Variants in ADAMTS12 observed in about 807,000 individuals in gnomAD.
ADAMTS12 encodes the protein ADAM metallopeptidase with thrombospondin type 1 motif 12.
ADAMTS12 carries 118 observed loss-of-function variants against 167.8 expected under a neutral mutation model. The ratio of observed to expected loss-of-function variants is 0.70; its 90% CI spans 0.61 to 0.82. The LOEUF (loss-of-function observed/expected upper bound fraction) is 0.82, where lower values mean the gene tolerates loss of function less well. Among genes scored for constraint, ADAMTS12 ranks in the 40% least tolerant of loss-of-function variants. ADAMTS12 has a pLI of 0.00. For missense variants in ADAMTS12, 1,916 were observed against 1,998.8 expected, an observed-to-expected ratio of 0.96 and a Z score of 0.79; for synonymous variants, 704 against 716.9, an observed-to-expected ratio of 0.98 and a Z score of 0.29.
intron 3 of ADAMTS12, among the ~76,000 whole-genome samples, chr5:33,721,820 C>A (rs550653737): frequency 6.6e-6 from 1 of 152,298 alleles, no homozygotes; most frequent in South Asian, 2.1e-4. Context: ...GAGAGTGACA[C>A]CCGGCAGCTC....
intron 19 of ADAMTS12, among the ~76,000 whole-genome samples, chr5:33,565,229 C>T (rs760485210): frequency 9.9e-5 from 15 of 152,208 alleles, no homozygotes; most frequent in South Asian, 8.3e-4. Flanking sequence ...AAATTTGGCT[C>T]ACTGCAACCT....
At chr5:33,889,086 AT>A (rs1354246839) in intron 1 of ADAMTS12, among the ~76,000 whole-genome samples, 2 of 152,112 alleles carry the variant, frequency 1.3e-5, no homozygotes, top group Non-Finnish European at 2.9e-5. Flanking sequence ...GTGAAGGGGC[AT>A]TTATTAGGTG....
chr5:33,788,288 T>TC lies in ADAMTS12; in HGVS notation c.490-36741_490-36740insG, dbSNP rs372443316. ...ATTAACAGTCTTTTTTCTCTCTCTC[T>TC]TTTTTTTTGCCTGTCCAATAAATAC... is the stretch of plus-strand genomic sequence containing the variant. On this transcript the variant is annotated intron_variant, in intron 2 of 23. Coordinates refer to ENST00000504830, the MANE Select transcript of ADAMTS12 (RefSeq NM_030955.4). Among the ~76,000 whole-genome samples, 1,200 of 151,060 alleles carry TC rather than the reference T, an allele frequency of 7.9e-3. 18 individuals are homozygous for TC. The highest frequency in any genetic ancestry group is 0.028 in the African/African-American group (1,149 of 41,150).
chr5:33,858,892 C>T (rs542659745), intron 2 of ADAMTS12, among the ~76,000 whole-genome samples: 16 of 151,942 alleles, frequency 1.1e-4, no homozygotes, highest in African/African-American at 3.9e-4. Flanking sequence ...TCACCTTACC[C>T]GGGAAGCACA....
intron 2 of ADAMTS12, among the ~76,000 whole-genome samples, chr5:33,752,472 T>C (rs993057601): frequency 6.6e-6 from 1 of 152,160 alleles, no homozygotes; most frequent in Non-Finnish European, 1.5e-5. Flanking sequence ...AGTGAGCAAG[T>C]GACTGGCTGA....
intron 2 of ADAMTS12, among the ~76,000 whole-genome samples, chr5:33,760,361 A>AC (rs1414858416): frequency 6.6e-6 from 1 of 151,996 alleles, no homozygotes; most frequent in Non-Finnish European, 1.5e-5. Context: ...GACTAGGACG[A>AC]TAAAAAGATG....
At chr5:33,594,932 GT>G (rs1279755411) in intron 17 of ADAMTS12, among the ~76,000 whole-genome samples, 1 of 152,086 alleles carries the variant, frequency 6.6e-6, no homozygotes, top group Non-Finnish European at 1.5e-5. Context: ...CCTGTCACCT[GT>G]TTGAGTCTCC....
At position 33,821,776 on chromosome 5, in the gene ADAMTS12, G is replaced by A. The variant is rs147211071; in HGVS notation, c.489+59343C>T. On this transcript the variant is annotated intron_variant, in intron 2 of 23. Coordinates refer to ENST00000504830, the MANE Select transcript of ADAMTS12 (RefSeq NM_030955.4). ...ATGAAGCTACTTCCCTTCTCTAGCT[G>A]TGAACTTGCTATACAGATGTTAATT... is the stretch of plus-strand genomic sequence containing the variant. 9.9e-5 allele frequency among the ~76,000 whole-genome samples: 15 copies of A among 152,262 alleles called. No individual in the cohort carries two copies. The East Asian group carries it at 2.3e-3, about 23-fold the overall frequency.
chr5:33,548,702 G>GCACACACACACACACA (rs55980424), intron 21 of ADAMTS12, among the ~76,000 whole-genome samples: 4 of 148,866 alleles, frequency 2.7e-5, no homozygotes, highest in East Asian at 4.0e-4. Flanking sequence ...CATAAAGAGA[G>GCACACACACACACACA]CACACACACA....
intron 6 of ADAMTS12, among the ~76,000 whole-genome samples, chr5:33,658,618 T>A (rs754941353): frequency 1.3e-5 from 2 of 152,170 alleles, no homozygotes; most frequent in Admixed American, 6.5e-5. Flanking sequence ...AATTACATGA[T>A]TTGGCCAACA....
intron 3 of ADAMTS12, among the ~76,000 whole-genome samples, chr5:33,714,567 G>A (rs1400683488): frequency 6.6e-6 from 1 of 151,920 alleles, no homozygotes; most frequent in Non-Finnish European, 1.5e-5. Context: ...ATCAACAGAT[G>A]AACAGATAAA....
intron 2 of ADAMTS12, among the ~76,000 whole-genome samples, chr5:33,800,551 T>G (rs1394080890): frequency 6.6e-6 from 1 of 152,162 alleles, no homozygotes; most frequent in Non-Finnish European, 1.5e-5. Flanking sequence ...AATTTGAAGG[T>G]TTTTCCTAGA....
chr5:33,598,460 C>G (rs1056807644), intron 16 of ADAMTS12, among the ~76,000 whole-genome samples: 5 of 152,164 alleles, frequency 3.3e-5, no homozygotes, highest in Non-Finnish European at 7.3e-5. Context: ...CCCTACTTTT[C>G]CTTCTACACA....
At chr5:33,597,386 T>A (rs997191830) in intron 16 of ADAMTS12, among the ~76,000 whole-genome samples, 2 of 152,226 alleles carry the variant, frequency 1.3e-5, no homozygotes, top group Non-Finnish European at 2.9e-5. Context: ...GCTCTCAGGA[T>A]GTCTAGACCT....
At chr5:33,728,227 C>T (rs1405647845) in intron 3 of ADAMTS12, among the ~76,000 whole-genome samples, 1 of 152,132 alleles carries the variant, frequency 6.6e-6, no homozygotes, top group East Asian at 1.9e-4. Flanking sequence ...GACATTATCC[C>T]ACTCGGGATG....
intron 2 of ADAMTS12, among the ~76,000 whole-genome samples, chr5:33,847,623 CAAAAA>C (rs34289930): frequency 7.6e-6 from 1 of 132,272 alleles, no homozygotes; most frequent in East Asian, 2.1e-4. Flanking sequence ...AACTCCATCT[CAAAAA>C]AAAAAAGAAA....
intron 2 of ADAMTS12, among the ~76,000 whole-genome samples, chr5:33,857,002 T>G (rs1447846669): frequency 6.6e-6 from 1 of 152,244 alleles, no homozygotes; most frequent in African/African-American, 2.4e-5. Flanking sequence ...ACAGCCTAAA[T>G]GTCCACTGAC....
At chr5:33,794,404 G>C (rs1473837915) in intron 2 of ADAMTS12, among the ~76,000 whole-genome samples, 1 of 152,188 alleles carries the variant, frequency 6.6e-6, no homozygotes, top group Non-Finnish European at 1.5e-5. Context: ...AGAGTGGAGA[G>C]TGGAGGTTGC....
At chr5:33,869,438 T>C (rs531340677) in intron 2 of ADAMTS12, among the ~76,000 whole-genome samples, 1 of 151,930 alleles carries the variant, frequency 6.6e-6, no homozygotes, top group Non-Finnish European at 1.5e-5. Flanking sequence ...GGTAGGGCAA[T>C]GCAGAGGGGA....
Sources: allele counts gnomAD v4.1 joint callset (sites outside exome capture counted in the v4.1 genomes callset), GRCh38; gene constraint gnomAD v4.1.1; transcripts MANE v1.5; gene names NCBI Gene and HGNC (gene_info 2026-07-23, HGNC 2026-07-21).